The following UGGT1 variants were observed in gnomAD, a reference collection of about 807,000 sequenced individuals.
UGGT1 encodes the protein UDP-glucose:glycoprotein glucosyltransferase 1.
In UGGT1, 107 loss-of-function variants were observed where a neutral mutation model predicts 203.9. That is an observed-to-expected ratio of 0.52 (90% CI 0.45 to 0.62). The LOEUF (loss-of-function observed/expected upper bound fraction) is 0.62, where lower values mean the gene tolerates loss of function less well. UGGT1 is among the 20% of genes least tolerant of loss of function. The pLI is 0.00. For missense variants in UGGT1, 1,673 were observed against 1,867.2 expected, an observed-to-expected ratio of 0.90 and a Z score of 1.92; for synonymous variants, 628 against 653.5, an observed-to-expected ratio of 0.96 and a Z score of 0.59.
Position 128,091,286 on chromosome 2 carries a change from G to T in UGGT1, c.-72G>T. Reference sequence around the variant, plus strand: ...GCCTCTCACTGGCGCAGCCTGCACTGCCGCTGCCGCCTCGCCCCGCCCTGC... The same window carrying T: ...GCCTCTCACTGGCGCAGCCTGCACTTCCGCTGCCGCCTCGCCCCGCCCTGC... On this transcript the variant is annotated 5_prime_UTR_variant, in exon 1 of 41. Transcript: ENST00000259253. The T allele has an allele frequency of 6.9e-7, 1 of 1,447,358 alleles. No homozygotes were observed. The highest frequency in any genetic ancestry group is 9.2e-7 in the Non-Finnish European group (1 of 1,089,450). 89.7% of individuals were successfully genotyped at this position (1,447,358 alleles called of 1,614,324 possible). A position where few individuals can be genotyped will look rare whatever the true frequency, so the allele number is the denominator to read the frequency against.
In UGGT1 at chr2:128,106,608, T is replaced by C. The variant is rs377118443; in HGVS notation, c.278-1330T>C. Among the ~76,000 whole-genome samples the C allele has an allele frequency of 5.9e-5, 9 of 152,178 alleles. No individual in the cohort carries two copies. In the East Asian group the frequency reaches 7.7e-4, roughly 13 times the overall value. ...ATTTTTTGAGACAGTCTCCTCTTGC[T>C]CAGGCTGGAGTGCAGTGGCGTAATC... On this transcript the variant is annotated intron_variant, in intron 3 of 40. Coordinates refer to ENST00000259253, the MANE Select transcript of UGGT1 (RefSeq NM_020120.4).
intron 13 of UGGT1, among the ~76,000 whole-genome samples, chr2:128,131,915 C>G (rs1035321921): frequency 1.3e-5 from 2 of 152,158 alleles, no homozygotes; most frequent in Non-Finnish European, 2.9e-5. Flanking sequence ...GCGTGAGCCA[C>G]CACACCCGGC....
intron 25 of UGGT1, among the ~76,000 whole-genome samples, chr2:128,163,410 T>C (rs1214938002): frequency 6.6e-6 from 1 of 151,560 alleles, no homozygotes; most frequent in Non-Finnish European, 1.5e-5. Context: ...GTTCAAGATC[T>C]TTTTCAGTTA....
chr2:128,092,814 C>T (rs943953957), intron 1 of UGGT1, among the ~76,000 whole-genome samples: 6 of 152,034 alleles, frequency 3.9e-5, no homozygotes, highest in African/African-American at 7.2e-5. Context: ...CCTCAGCCTC[C>T]TACGGATGGT....
At chr2:128,109,509 A>T in intron 4 of UGGT1, 125 bp from the exon 5 acceptor site, 1 of 763,894 alleles carries the variant, frequency 1.3e-6, no homozygotes, top group South Asian at 1.7e-5. Flanking sequence ...GGCACGAGCT[A>T]CCACACTCAG....
In UGGT1 at chr2:128,182,211, C is replaced by T. The variant is rs762550912; in HGVS notation, c.4165C>T (p.Arg1389Ter). 4 of 1,613,966 alleles carry T rather than the reference C, an allele frequency of 2.5e-6. No homozygotes were observed. Among genetic ancestry groups the T allele is most frequent in the Admixed American group, 3.3e-5 (2 of 59,996 alleles). Residue 1389 changes from arginine to a stop codon, truncating the protein, a stop_gained, in exon 37 of 41, where the codon CGA (arginine) becomes TGA (stop). Transcript: ENST00000259253. LOFTEE classifies it high-confidence loss of function. ...PYGYTPFCDS[R>*]REMDGYRFWK... ...TGGTTACACTCCTTTCTGTGACAGC[C>T]GAAGAGAAATGGACGGCTACAGGTT...
chr2:128,175,748 C>T (rs1691337799), intron 31 of UGGT1, among the ~76,000 whole-genome samples: 1 of 152,206 alleles, frequency 6.6e-6, no homozygotes, highest in East Asian at 1.9e-4. Context: ...CCTTGCCAGC[C>T]CTCCCCTTCC....
In UGGT1 at chr2:128,121,231, G is replaced by T. The variant is rs1688366143; in HGVS notation, c.1006G>T (p.Ala336Ser). ...LSFQTAARIL[A>S]SPVELALVVM... ...TTTCCAGACTGCTGCTCGAATCTTG[G>T]CTTCTCCTGTTGAGTTGGCTTTGGT... Residue 336 changes from alanine to serine, a missense_variant, in exon 10 of 41, where the codon GCT (alanine) becomes TCT (serine). Ala to Ser is a moderately conservative substitution (Grantham distance 99). Around this residue, in one of 4 missense-constraint regions of UGGT1, gnomAD observed 1,073 missense variants for 1,078.7 expected, o/e 0.99. Transcript: ENST00000259253. 6.2e-7 allele frequency: 1 copy of T among 1,613,708 alleles called. No individual in the cohort carries two copies. The highest frequency in any genetic ancestry group is 2.2e-5 in the East Asian group (1 of 44,872).
chr2:128,105,014 G>GT (rs898706992), intron 3 of UGGT1, among the ~76,000 whole-genome samples: 225 of 146,254 alleles, frequency 1.5e-3, no homozygotes, highest in African/African-American at 4.4e-3. Flanking sequence ...TTAATGGGTT[G>GT]TTTTTTTTTT....
chr2:128,137,305 G>C (rs908047786), intron 15 of UGGT1, among the ~76,000 whole-genome samples: 1 of 152,218 alleles, frequency 6.6e-6, no homozygotes, highest in Admixed American at 6.5e-5. Context: ...TGTAGTCCCA[G>C]CTACTTGGGA....
intron 16 of UGGT1, among the ~76,000 whole-genome samples, chr2:128,141,755 G>C (rs1229534413): frequency 6.6e-6 from 1 of 151,086 alleles, no homozygotes; most frequent in South Asian, 2.1e-4. Context: ...AGGTAGCAGT[G>C]AGCCAAGATG....
intron 26 of UGGT1, among the ~76,000 whole-genome samples, chr2:128,169,093 A>G (rs1484002338): frequency 2.7e-5 from 3 of 109,708 alleles, no homozygotes; most frequent in Non-Finnish European, 5.4e-5. Context: ...AAAAAAAAAG[A>G]CAAGGACCAG....
At position 128,133,127 on chromosome 2, in the gene UGGT1, G is replaced by A. The variant is rs1167029083; in HGVS notation, c.1378-14G>A. On this transcript the variant is annotated splice_polypyrimidine_tract_variant and intron_variant, in intron 13 of 40. Transcript: ENST00000259253. ...TCCTAATGTGCATGTATCCTGTTGT[G>A]TTATTTTTTGTAGTGGGTCAACAAC... 3 of 1,613,540 alleles carry A rather than the reference G, an allele frequency of 1.9e-6. No homozygotes were observed. Among genetic ancestry groups the A allele is most frequent in the Admixed American group, 1.7e-5 (1 of 59,990 alleles).
intron 36 of UGGT1, among the ~76,000 whole-genome samples, chr2:128,181,586 A>G (rs553158078): frequency 6.6e-6 from 1 of 152,336 alleles, no homozygotes; most frequent in Admixed American, 6.5e-5. Flanking sequence ...CTTCAGCCCG[A>G]GCGGGCGGAA....
intron 15 of UGGT1, among the ~76,000 whole-genome samples, chr2:128,138,514 T>TAA (rs112766490): frequency 2.3e-4 from 33 of 141,668 alleles, no homozygotes; most frequent in Non-Finnish European, 3.4e-4. Flanking sequence ...AAACTCTGTC[T>TAA]AAAAAAAAAA....
intron 33 of UGGT1, 88 bp downstream of exon 33, chr2:128,178,008 G>C: frequency 1.7e-6 from 2 of 1,150,218 alleles, no homozygotes; most frequent in East Asian, 2.6e-5. Flanking sequence ...TTGTGATTCT[G>C]TCTGGGCCTT....
rs568585505 is a variant in UGGT1 at position 128,161,344 on chromosome 2, TG to T, written c.2825+77del. ...TCATTGATCAGTTAGAATTATATGT[TG>T]TTACTCATACTACATATCCCAAGGA... On this transcript the variant is annotated intron_variant, in intron 25 of 40. Coordinates refer to ENST00000259253, the MANE Select transcript of UGGT1 (RefSeq NM_020120.4). 8,752 of 1,517,646 alleles carry T rather than the reference TG, an allele frequency of 5.8e-3. 45 individuals carry two copies. Among genetic ancestry groups the T allele is most frequent in the South Asian group, 9.8e-3 (805 of 81,866 alleles). 94.0% of individuals were successfully genotyped at this position (1,517,646 alleles called of 1,614,324 possible). A position where few individuals can be genotyped will look rare whatever the true frequency, so the allele number is the denominator to read the frequency against.
chr2:128,128,139 T>C (rs1688690271), intron 12 of UGGT1, among the ~76,000 whole-genome samples: 1 of 152,168 alleles, frequency 6.6e-6, no homozygotes, highest in Non-Finnish European at 1.5e-5. Flanking sequence ...ACATATATTA[T>C]TTGAATATCC....
chr2:128,183,909 G>GGTT (rs1691837476), intron 38 of UGGT1, 120 bp downstream of exon 38: 1 of 317,466 alleles, frequency 3.1e-6, no homozygotes, highest in African/African-American at 2.2e-5. Flanking sequence ...GTTTTTTCAT[G>GGTT]GTGTGTGTGT....
Sources: gnomAD v4.1 joint callset for allele counts (sites outside exome capture counted in the v4.1 genomes callset) on GRCh38, gnomAD v4.1.1 for gene constraint, gnomAD v4.1.1 regional missense constraint, MANE v1.5 for transcripts, NCBI Gene and HGNC (gene_info 2026-07-23, HGNC 2026-07-21) for gene names.